The following MRPS28 variants were observed in gnomAD, a reference collection of about 807,000 sequenced individuals.
MRPS28 encodes small ribosomal subunit protein bS1m.
Under a neutral mutation model 10.8 loss-of-function variants are expected in MRPS28, and 7 were observed. That is an observed-to-expected ratio of 0.65 (90% CI 0.37 to 1.22). The LOEUF is 1.22. MRPS28 is among the 50% of genes most tolerant of loss of function. MRPS28 has a pLI of 0.02. For synonymous variants in MRPS28, 121 were observed against 93.3 expected, an observed-to-expected ratio of 1.30 and a Z score of -1.71; for missense variants, 265 against 232.9, an observed-to-expected ratio of 1.14 and a Z score of -0.90.
chr8:79,956,688 A>G lies in MRPS28; in HGVS notation c.396-37540T>C, dbSNP rs569759005. On this transcript the variant is annotated intron_variant, in intron 2 of 2. Coordinates refer to ENST00000276585, the MANE Select transcript of MRPS28 (RefSeq NM_014018.3). ...TGTTGTTTCCTTCTTTGTGTTAATA[A>G]ATTCTTATCATTTATAGCTTCCACT... 5.9e-5 allele frequency: 9 copies of G among 152,166 alleles called. No individual in the cohort carries two copies. In the East Asian group the frequency reaches 1.7e-3, roughly 29 times the overall value. The allele number at this position is 152,166 out of a possible 1,614,324, so 9.4% of individuals were successfully genotyped here.
At chr8:79,952,574 A>C (rs1409771054) in intron 2 of MRPS28, among the ~76,000 whole-genome samples, 3 of 152,202 alleles carry the variant, frequency 2.0e-5, no homozygotes, top group Non-Finnish European at 4.4e-5. Context: ...TCCACATGGC[A>C]AAATAGCAAT....
chr8:80,020,612 G>A (rs1448592656), intron 1 of MRPS28, among the ~76,000 whole-genome samples: 1 of 152,180 alleles, frequency 6.6e-6, no homozygotes, highest in African/African-American at 2.4e-5. Context: ...ACTGAGAAAC[G>A]AGAACGAAGA....
chr8:80,014,416 G>T (rs537286896), intron 1 of MRPS28, among the ~76,000 whole-genome samples: 4 of 152,268 alleles, frequency 2.6e-5, no homozygotes, highest in African/African-American at 9.6e-5. Context: ...AAGCAGCAAA[G>T]AAAAGACTCC....
chr8:79,921,716 T>G (rs1488826875), intron 2 of MRPS28, among the ~76,000 whole-genome samples: 2 of 152,130 alleles, frequency 1.3e-5, no homozygotes, highest in East Asian at 1.9e-4. Flanking sequence ...TATACAATCA[T>G]GTCATCTGCA....
intron 2 of MRPS28, 81 bp downstream of exon 2, chr8:80,002,918 T>C (rs950701947): frequency 1.9e-5 from 22 of 1,177,388 alleles, no homozygotes; most frequent in East Asian, 7.6e-5. Context: ...TTTCAAAAAA[T>C]CACCTTTCAT....
intron 2 of MRPS28, among the ~76,000 whole-genome samples, chr8:79,955,260 A>C (rs1029866124): frequency 2.0e-5 from 3 of 152,160 alleles, no homozygotes; most frequent in Non-Finnish European, 4.4e-5. Flanking sequence ...GAGAAAATAA[A>C]CTTATTGCTG....
intron 1 of MRPS28, 34 bp from the exon 2 acceptor site, chr8:80,003,214 A>G (rs767940725): frequency 1.4e-6 from 2 of 1,395,098 alleles, no homozygotes; most frequent in Non-Finnish European, 1.9e-6. Context: ...TATACATATA[A>G]CTCAACATGA....
chr8:80,029,040 T>C (rs934182897), intron 1 of MRPS28, among the ~76,000 whole-genome samples: 1 of 152,036 alleles, frequency 6.6e-6, no homozygotes, highest in African/African-American at 2.4e-5. Flanking sequence ...GAAGAGATTC[T>C]CCTAGAAGCT....
intron 1 of MRPS28, among the ~76,000 whole-genome samples, chr8:80,014,105 A>G (rs1809133457): frequency 6.6e-6 from 1 of 152,174 alleles, no homozygotes; most frequent in South Asian, 2.1e-4. Flanking sequence ...AAAAAAAGAA[A>G]GCTATTCTAT....
intron 1 of MRPS28, among the ~76,000 whole-genome samples, chr8:80,013,575 G>A (rs557957462): frequency 4.4e-4 from 64 of 147,048 alleles, no homozygotes; most frequent in Admixed American, 2.6e-3. Flanking sequence ...TGGAGGTTAC[G>A]GTGAGCTGAG....
chr8:79,985,711 C>T (rs570251447), intron 2 of MRPS28, among the ~76,000 whole-genome samples: 1 of 152,240 alleles, frequency 6.6e-6, no homozygotes. Flanking sequence ...ATACAACCTC[C>T]CAAGACTAAA....
chr8:80,001,305 T>C (rs1479896173), intron 2 of MRPS28, among the ~76,000 whole-genome samples: 1 of 152,170 alleles, frequency 6.6e-6, no homozygotes, highest in Non-Finnish European at 1.5e-5. Context: ...TTTCTACTAA[T>C]GAAAAAATGA....
At chr8:79,921,891 C>G (rs910907552) in intron 2 of MRPS28, among the ~76,000 whole-genome samples, 2 of 152,158 alleles carry the variant, frequency 1.3e-5, no homozygotes, top group Non-Finnish European at 2.9e-5. Flanking sequence ...CCAGTTTTTG[C>G]CCATTCAGTA....
intron 1 of MRPS28, among the ~76,000 whole-genome samples, chr8:80,007,637 C>T (rs2130181949): frequency 6.6e-6 from 1 of 152,214 alleles, no homozygotes; most frequent in African/African-American, 2.4e-5. Flanking sequence ...AACAGACAAA[C>T]AGAGAGCCAA....
At chr8:79,925,611 G>A (rs1236776343) in intron 2 of MRPS28, among the ~76,000 whole-genome samples, 1 of 152,042 alleles carries the variant, frequency 6.6e-6, no homozygotes. Context: ...TTAATAATGT[G>A]GAATATGCAT....
chr8:79,947,148 T>C (rs1230289921), intron 2 of MRPS28, among the ~76,000 whole-genome samples: 1 of 152,050 alleles, frequency 6.6e-6, no homozygotes, highest in Non-Finnish European at 1.5e-5. Flanking sequence ...AAGCAAAAAT[T>C]AGTATGAAGA....
At chr8:80,016,226 T>A (rs952763319) in intron 1 of MRPS28, among the ~76,000 whole-genome samples, 3 of 151,908 alleles carry the variant, frequency 2.0e-5, no homozygotes, top group African/African-American at 7.3e-5. Context: ...AAACACTACA[T>A]CTAGGCATAT....
At chr8:80,014,763 C>G (rs1432362136) in intron 1 of MRPS28, among the ~76,000 whole-genome samples, 1 of 152,124 alleles carries the variant, frequency 6.6e-6, no homozygotes, top group Non-Finnish European at 1.5e-5. Flanking sequence ...CAGTCACCAC[C>G]ATCAAGTTTT....
intron 2 of MRPS28, among the ~76,000 whole-genome samples, chr8:79,946,233 T>C (rs545097038): frequency 2.0e-5 from 3 of 152,296 alleles, no homozygotes; most frequent in South Asian, 2.1e-4. Flanking sequence ...ATCTTGACTA[T>C]GGCAATAATC....
Sources: allele counts gnomAD v4.1 joint callset (sites outside exome capture counted in the v4.1 genomes callset), GRCh38; gene constraint gnomAD v4.1.1; transcripts MANE v1.5; gene names NCBI Gene and HGNC (gene_info 2026-07-23, HGNC 2026-07-21).